The following ENOX1 variants were observed in gnomAD, a reference collection of about 807,000 sequenced individuals.
ENOX1 encodes ecto-NOX disulfide-thiol exchanger 1.
ENOX1 carries 42 observed loss-of-function variants against 82.5 expected under a neutral mutation model. The ratio of observed to expected loss-of-function variants is 0.51; its 90% CI spans 0.40 to 0.66. The LOEUF (loss-of-function observed/expected upper bound fraction) is 0.66. Ranked by LOEUF, ENOX1 falls within the 30% of genes least tolerant of loss-of-function variation. The pLI, the probability that ENOX1 is intolerant of heterozygous loss-of-function variation, is 0.00. For synonymous variants in ENOX1, 271 were observed against 282.2 expected, an observed-to-expected ratio of 0.96 and a Z score of 0.40; for missense variants, 608 against 811.6, an observed-to-expected ratio of 0.75 and a Z score of 3.05.
intron 2 of ENOX1, among the ~76,000 whole-genome samples, chr13:43,592,110 C>T (rs2081274234): frequency 6.6e-6 from 1 of 152,196 alleles, no homozygotes; most frequent in African/African-American, 2.4e-5. Flanking sequence ...GCTCAACAAG[C>T]TCCTAGTCAT....
intron 1 of ENOX1, among the ~76,000 whole-genome samples, chr13:43,757,047 C>T (rs1950696240): frequency 6.8e-6 from 1 of 147,984 alleles, no homozygotes. Flanking sequence ...TTAACATAGA[C>T]ATATAATATT....
intron 2 of ENOX1, among the ~76,000 whole-genome samples, chr13:43,549,718 A>G (rs1461856414): frequency 6.6e-6 from 1 of 152,190 alleles, no homozygotes; most frequent in Non-Finnish European, 1.5e-5. Context: ...CTCTGAGCCT[A>G]ATGCTCTTAT....
chr13:43,574,893 A>G (rs2080345743), intron 2 of ENOX1, among the ~76,000 whole-genome samples: 1 of 152,222 alleles, frequency 6.6e-6, no homozygotes, highest in Non-Finnish European at 1.5e-5. Flanking sequence ...ACTGGCATCC[A>G]TGTGGAGAGA....
chr13:43,496,405 G>T (rs1251152268), intron 2 of ENOX1, among the ~76,000 whole-genome samples: 1 of 150,798 alleles, frequency 6.6e-6, no homozygotes, highest in Admixed American at 6.6e-5. Flanking sequence ...TTTTTTAAGA[G>T]ACTGTGTCTT....
At chr13:43,319,798 G>A (rs2047707004) in intron 11 of ENOX1, among the ~76,000 whole-genome samples, 2 of 152,176 alleles carry the variant, frequency 1.3e-5, no homozygotes, top group African/African-American at 4.8e-5. Context: ...AAGCAGAGAG[G>A]AAATTGGCAG....
At chr13:43,391,978 C>G (rs948376371) in intron 5 of ENOX1, among the ~76,000 whole-genome samples, 1 of 152,178 alleles carries the variant, frequency 6.6e-6, no homozygotes, top group Non-Finnish European at 1.5e-5. Flanking sequence ...CCAGTTCCAC[C>G]TCAACCACCA....
chr13:43,293,934 T>C (rs1051468844), intron 12 of ENOX1, among the ~76,000 whole-genome samples: 1 of 152,238 alleles, frequency 6.6e-6, no homozygotes, highest in Non-Finnish European at 1.5e-5. Context: ...ACATATGTTC[T>C]ACTTTGAGTA....
intron 5 of ENOX1, among the ~76,000 whole-genome samples, chr13:43,371,094 T>C (rs893142541): frequency 6.6e-6 from 1 of 152,212 alleles, no homozygotes; most frequent in Non-Finnish European, 1.5e-5. Flanking sequence ...ATTTTCTTTC[T>C]GTACGATGTT....
At chr13:43,315,663 G>A (rs929899128) in intron 11 of ENOX1, among the ~76,000 whole-genome samples, 2 of 152,176 alleles carry the variant, frequency 1.3e-5, no homozygotes, top group East Asian at 1.9e-4. Context: ...TAAGAGTGTC[G>A]ATAAAATGAC....
intron 2 of ENOX1, among the ~76,000 whole-genome samples, chr13:43,558,405 G>T (rs2079532966): frequency 6.6e-6 from 1 of 152,190 alleles, no homozygotes; most frequent in South Asian, 2.1e-4. Flanking sequence ...TTAGCTGGTT[G>T]TTCACTTCCT....
At chr13:43,659,825 T>C (rs1411294896) in intron 2 of ENOX1, among the ~76,000 whole-genome samples, 1 of 152,186 alleles carries the variant, frequency 6.6e-6, no homozygotes, top group Non-Finnish European at 1.5e-5. Flanking sequence ...TAGCTGCCTG[T>C]AGGCTAAGGA....
intron 10 of ENOX1, among the ~76,000 whole-genome samples, chr13:43,323,948 G>A (rs906396347): frequency 2.0e-5 from 3 of 152,230 alleles, no homozygotes; most frequent in Admixed American, 2.0e-4. Flanking sequence ...AATCACCCTT[G>A]CAGAAGACAG....
chr13:43,565,673 T>C (rs1259372420), intron 2 of ENOX1, among the ~76,000 whole-genome samples: 1 of 152,206 alleles, frequency 6.6e-6, no homozygotes, highest in Non-Finnish European at 1.5e-5. Context: ...GAAAGATTCT[T>C]GCCTTTTGTT....
At position 43,298,548 on chromosome 13, in the gene ENOX1, C is replaced by T. The variant is rs368914072; in HGVS notation, c.1262-18G>A. ...AGCCAGGGCTGAGGGACAAACAGAA[C>T]GAGTTCAGGTGAGCTACCTTCTTGC... On this transcript the variant is annotated intron_variant, in intron 11 of 16. Coordinates refer to ENST00000690772, the MANE Select transcript of ENOX1 (RefSeq NM_001347969.2). The T allele has an allele frequency of 2.1e-5, 34 of 1,596,838 alleles. No individual in the cohort carries two copies. The African/African-American group carries it at 2.6e-4, about 12-fold the overall frequency.
chr13:43,276,293 G>C (rs963265440), intron 12 of ENOX1, among the ~76,000 whole-genome samples: 2 of 152,098 alleles, frequency 1.3e-5, no homozygotes, highest in South Asian at 2.1e-4. Context: ...CAATACCCAT[G>C]AGTGTCCCGC....
intron 13 of ENOX1, among the ~76,000 whole-genome samples, chr13:43,266,553 A>G (rs1430347267): frequency 1.3e-5 from 2 of 152,144 alleles, no homozygotes; most frequent in South Asian, 2.1e-4. Context: ...GCTCATTTCC[A>G]TATCACTCCC....
intron 2 of ENOX1, among the ~76,000 whole-genome samples, chr13:43,654,139 C>G (rs184313335): frequency 1.3e-5 from 2 of 152,196 alleles, no homozygotes. Context: ...TTGACTTTAG[C>G]TACAGGAGGT....
intron 1 of ENOX1, among the ~76,000 whole-genome samples, chr13:43,782,743 A>G (rs1952349704): frequency 6.6e-6 from 1 of 152,228 alleles, no homozygotes; most frequent in South Asian, 2.1e-4. Flanking sequence ...AATGTATTAC[A>G]CACAATATAT....
At chr13:43,247,865 A>T (rs866857665) in intron 14 of ENOX1, among the ~76,000 whole-genome samples, 69 of 1,870 alleles carry the variant, frequency 0.037, 7 homozygotes, top group Non-Finnish European at 0.052. Flanking sequence ...ATATATATAT[A>T]TATATATATA....
Sources: allele counts gnomAD v4.1 joint callset (sites outside exome capture counted in the v4.1 genomes callset), GRCh38; gene constraint gnomAD v4.1.1; transcripts MANE v1.5; gene names NCBI Gene and HGNC (gene_info 2026-07-23, HGNC 2026-07-21).